SHISA9: variants seen among roughly 807,000 people sequenced by gnomAD.
SHISA9 encodes shisa family member 9.
Under a neutral mutation model 38.0 loss-of-function variants are expected in SHISA9, and 13 were observed. The observed-to-expected ratio is 0.34, with a 90% CI of 0.22 to 0.54. The LOEUF (loss-of-function observed/expected upper bound fraction) is 0.54. SHISA9 is among the 20% of genes least tolerant of loss of function. The pLI, the probability that SHISA9 is intolerant of heterozygous loss-of-function variation, is 0.91. For missense variants in SHISA9, 538 were observed against 575.8 expected (o/e 0.93, Z 0.67); for synonymous variants, 275 against 242.0 (o/e 1.14, Z -1.27).
rs11859122 is a variant in SHISA9 at position 12,979,477 on chromosome 16, G to A, written c.691+62662G>A. 9.5e-3 allele frequency among the ~76,000 whole-genome samples: 1,444 copies of A among 152,136 alleles called. 20 individuals are homozygous for A. Among genetic ancestry groups the A allele is most frequent in the African/African-American group, 0.034 (1,393 of 41,514 alleles). On this transcript the variant is annotated intron_variant, in intron 2 of 4. Transcript: ENST00000558583. ...GCGCCTGTGAGCCCATGCTCCAAAC[G>A]AAAGCTAGAATATTGACAATAATGT...
chr16:13,432,357 G>A, the SHISA9 span, among the ~76,000 whole-genome samples: 6 of 152,192 alleles, frequency 3.9e-5, no homozygotes, highest in African/African-American at 1.4e-4. Flanking sequence ...TGCAAATCTG[G>A]AATGGAGGGT....
At chr16:12,966,888 G>C (rs1380029358) in intron 2 of SHISA9, among the ~76,000 whole-genome samples, 3 of 152,216 alleles carry the variant, frequency 2.0e-5, no homozygotes, top group Non-Finnish European at 4.4e-5. Flanking sequence ...ATAATTAGCT[G>C]TCCAGACAAT....
At chr16:13,125,351 T>A (rs1212668504) in intron 2 of SHISA9, among the ~76,000 whole-genome samples, 1 of 152,202 alleles carries the variant, frequency 6.6e-6, no homozygotes, top group Non-Finnish European at 1.5e-5. Context: ...ACTTCCCTAA[T>A]GGGATGAGGT....
chr16:13,168,128 G>A (rs896060909), intron 2 of SHISA9, among the ~76,000 whole-genome samples: 8 of 152,262 alleles, frequency 5.3e-5, no homozygotes, highest in Middle Eastern at 6.8e-3. Flanking sequence ...AACTTCAAGC[G>A]TGACTGTCTT....
At chr16:12,909,705 G>A in intron 1 of SHISA9, 2 of 506,696 alleles carry the variant, frequency 3.9e-6, no homozygotes, top group Non-Finnish European at 5.1e-6. Flanking sequence ...ACCCCAGCCT[G>A]ACACACTCCA....
At chr16:13,456,432 T>A in the SHISA9 span, among the ~76,000 whole-genome samples, 1 of 152,210 alleles carries the variant, frequency 6.6e-6, no homozygotes, top group Non-Finnish European at 1.5e-5. Flanking sequence ...GTACAATATT[T>A]TGGACAGAGA....
chr16:13,077,086 A>G lies in SHISA9; in HGVS notation c.692-126308A>G, dbSNP rs538043773. ...GGATACCTCACAGATGCCAAGGGCAAAAGTACAGTCCAGCTAATGCAGCAC... is the reference window on the plus strand; with the variant it reads ...GGATACCTCACAGATGCCAAGGGCAGAAGTACAGTCCAGCTAATGCAGCAC... On this transcript the variant is annotated intron_variant, in intron 2 of 4. Transcript: ENST00000558583. 2.6e-5 allele frequency among the ~76,000 whole-genome samples: 4 copies of G among 152,310 alleles called. No homozygotes were observed. The South Asian group carries it at 8.3e-4, about 32-fold the overall frequency.
chr16:13,494,859 C>T, the SHISA9 span, among the ~76,000 whole-genome samples: 1 of 152,108 alleles, frequency 6.6e-6, no homozygotes, highest in Non-Finnish European at 1.5e-5. Context: ...GAGAACAACC[C>T]AAATGTCCTT....
At chr16:13,312,392 T>C in the SHISA9 span, among the ~76,000 whole-genome samples, 1 of 152,182 alleles carries the variant, frequency 6.6e-6, no homozygotes, top group African/African-American at 2.4e-5. Flanking sequence ...TAATATAAAC[T>C]AATCCTCCTG....
In SHISA9 at chr16:13,188,059, G is replaced by A. The variant is rs143509836; in HGVS notation, c.692-15335G>A. On this transcript the variant is annotated intron_variant, in intron 2 of 4. Transcript: ENST00000558583. ...GTATCTTTATTTTGGGGGAAAAGCTGAGCCTCATTTTTCTCATTTGTTATA... is the reference window on the plus strand; with the variant it reads ...GTATCTTTATTTTGGGGGAAAAGCTAAGCCTCATTTTTCTCATTTGTTATA... Among the ~76,000 whole-genome samples, 207 of 152,254 alleles carry A rather than the reference G, an allele frequency of 1.4e-3. 1 individual carries two copies. The highest frequency in any genetic ancestry group is 4.9e-3 in the African/African-American group (202 of 41,546).
rs1311245274 is a variant in SHISA9, at chr16:12,901,631, A to T, written c.-434A>T. Reference sequence around the variant, plus strand: ...AGTGTCGCTTCGCTCTCTTCAGCGCACTTGGCGAGCTGGTGAGGTGAGAGG... The same window carrying T: ...AGTGTCGCTTCGCTCTCTTCAGCGCTCTTGGCGAGCTGGTGAGGTGAGAGG... On this transcript the variant is annotated 5_prime_UTR_variant, in exon 1 of 5. Coordinates refer to ENST00000558583, the MANE Select transcript of SHISA9 (RefSeq NM_001145204.3). 6.8e-6 allele frequency: 1 copy of T among 146,638 alleles called. No homozygotes were observed. 9.1% of individuals were successfully genotyped at this position (146,638 alleles called of 1,614,324 possible). A position where few individuals can be genotyped will look rare whatever the true frequency, so the allele number is the denominator to read the frequency against.
chr16:12,951,343 G>A (rs905633419), intron 2 of SHISA9, among the ~76,000 whole-genome samples: 21 of 151,900 alleles, frequency 1.4e-4, no homozygotes, highest in Admixed American at 6.6e-4. Flanking sequence ...ATCACTGGGG[G>A]GTAGAAGTCG....
chr16:13,117,226 C>T (rs1266015659), intron 2 of SHISA9, among the ~76,000 whole-genome samples: 4 of 152,322 alleles, frequency 2.6e-5, no homozygotes, highest in African/African-American at 7.2e-5. Context: ...CCTCCCATCT[C>T]GGCTTCCCAA....
the SHISA9 span, among the ~76,000 whole-genome samples, chr16:13,249,103 T>C: frequency 6.6e-6 from 1 of 152,072 alleles, no homozygotes; most frequent in African/African-American, 2.4e-5. Flanking sequence ...GGAAAAGAGG[T>C]GCATGGAAAC....
chr16:13,559,408 C>T, the SHISA9 span, among the ~76,000 whole-genome samples: 78 of 148,560 alleles, frequency 5.3e-4, no homozygotes, highest in Non-Finnish European at 9.9e-4. Context: ...GAGACATTCT[C>T]GCTCTGTCAC....
At chr16:13,025,201 G>A (rs576592724) in intron 2 of SHISA9, among the ~76,000 whole-genome samples, 1 of 152,126 alleles carries the variant, frequency 6.6e-6, no homozygotes, top group South Asian at 2.1e-4. Flanking sequence ...ACATTTGTAG[G>A]CAAGGGCTAA....
At chr16:13,305,339 A>G in the SHISA9 span, among the ~76,000 whole-genome samples, 1 of 152,178 alleles carries the variant, frequency 6.6e-6, no homozygotes, top group Non-Finnish European at 1.5e-5. Context: ...TGGATTAGTG[A>G]TGCTCAATTT....
chr16:13,521,679 C>T, the SHISA9 span, among the ~76,000 whole-genome samples: 1 of 152,280 alleles, frequency 6.6e-6, no homozygotes, highest in African/African-American at 2.4e-5. Flanking sequence ...AATACATAAC[C>T]AAGGTTGAGA....
the SHISA9 span, among the ~76,000 whole-genome samples, chr16:13,370,126 G>A: frequency 1.1e-4 from 16 of 152,220 alleles, no homozygotes; most frequent in African/African-American, 3.4e-4. Flanking sequence ...AGCCCGAGTC[G>A]AGCTCAGTGG....
Sources: gnomAD v4.1 joint callset for allele counts (sites outside exome capture counted in the v4.1 genomes callset) on GRCh38, gnomAD v4.1.1 for gene constraint, MANE v1.5 for transcripts, NCBI Gene and HGNC (gene_info 2026-07-23, HGNC 2026-07-21) for gene names.